PIK3C2G: variants seen among roughly 807,000 people sequenced by gnomAD.
PIK3C2G encodes phosphatidylinositol 3-kinase C2 domain-containing subunit gamma.
Under a neutral mutation model 181.1 loss-of-function variants are expected in PIK3C2G, and 168 were observed. The ratio of observed to expected loss-of-function variants is 0.93; its 90% CI spans 0.82 to 1.05. The LOEUF (loss-of-function observed/expected upper bound fraction) is 1.05, where lower values mean the gene tolerates loss of function less well. Ranked by LOEUF, PIK3C2G falls within the 50% of genes least tolerant of loss-of-function variation. PIK3C2G has a pLI of 0.00. For synonymous variants in PIK3C2G, 573 were observed against 592.2 expected (o/e 0.97, Z 0.47); for missense variants, 1,869 against 1,732.8 (o/e 1.08, Z -1.40).
At chr12:18,438,799 C>A (rs1356516758) in intron 18 of PIK3C2G, among the ~76,000 whole-genome samples, 1 of 151,714 alleles carries the variant, frequency 6.6e-6, no homozygotes, top group East Asian at 1.9e-4. Context: ...AGCTGGGTAG[C>A]CCTTGAAAAA....
At chr12:18,377,562 T>C (rs1191697097) in intron 13 of PIK3C2G, among the ~76,000 whole-genome samples, 2 of 152,136 alleles carry the variant, frequency 1.3e-5, no homozygotes, top group African/African-American at 4.8e-5. Flanking sequence ...CTCAAAGCTA[T>C]ATGTAAACTC....
intron 25 of PIK3C2G, among the ~76,000 whole-genome samples, chr12:18,541,950 G>A (rs1465837476): frequency 1.3e-5 from 2 of 151,890 alleles, no homozygotes; most frequent in Non-Finnish European, 2.9e-5. Flanking sequence ...CAGATACATG[G>A]TGGGGAGAGA....
upstream of PIK3C2G, among the ~76,000 whole-genome samples, chr12:18,260,066 G>T (rs1465416891): frequency 6.6e-6 from 1 of 152,060 alleles, no homozygotes; most frequent in Non-Finnish European, 1.5e-5. Context: ...ACCCTTTCTT[G>T]TTAATGAATA....
intron 3 of PIK3C2G, among the ~76,000 whole-genome samples, chr12:18,289,011 A>G (rs1186462006): frequency 6.6e-6 from 1 of 152,184 alleles, no homozygotes; most frequent in Non-Finnish European, 1.5e-5. Context: ...AGAAGCCATA[A>G]GTTATATTCA....
At chr12:18,267,554 T>A (rs1342417445) in intron 1 of PIK3C2G, among the ~76,000 whole-genome samples, 4 of 152,188 alleles carry the variant, frequency 2.6e-5, no homozygotes, top group African/African-American at 9.7e-5. Flanking sequence ...CGTTGATGAC[T>A]CATAAATAAT....
chr12:18,656,238 G>A, the PIK3C2G span, among the ~76,000 whole-genome samples: 12 of 151,982 alleles, frequency 7.9e-5, no homozygotes, highest in African/African-American at 2.9e-4. Context: ...AGACCAACCT[G>A]GGCAACATAG....
At chr12:18,362,921 T>A in intron 12 of PIK3C2G, 35 bp downstream of exon 12, 1 of 1,416,894 alleles carries the variant, frequency 7.1e-7, no homozygotes. Flanking sequence ...GGATCATTTA[T>A]GTAATAAATG....
intron 14 of PIK3C2G, among the ~76,000 whole-genome samples, chr12:18,389,180 G>A (rs1328863055): frequency 3.3e-5 from 5 of 151,920 alleles, no homozygotes; most frequent in Non-Finnish European, 5.9e-5. Flanking sequence ...GTGAAACCCC[G>A]TCTCTACTAA....
intron 31 of PIK3C2G, among the ~76,000 whole-genome samples, chr12:18,626,399 C>A (rs529828842): frequency 2.0e-5 from 3 of 151,798 alleles, no homozygotes; most frequent in East Asian, 1.9e-4. Context: ...AGCTATAGTT[C>A]TTATTAATAA....
At chr12:18,394,674 G>A (rs1943746489) in intron 15 of PIK3C2G, among the ~76,000 whole-genome samples, 1 of 151,808 alleles carries the variant, frequency 6.6e-6, no homozygotes, top group Admixed American at 6.6e-5. Flanking sequence ...ATCAGCAAAT[G>A]GGCTTAATAG....
At chr12:18,244,478 A>G (rs1299022622), upstream of PIK3C2G, among the ~76,000 whole-genome samples, 3 of 152,100 alleles carry the variant, frequency 2.0e-5, no homozygotes, top group African/African-American at 7.2e-5. Context: ...TACTTTTGGT[A>G]GAATTCTGAG....
chr12:18,551,889 G>C (rs1944751073), intron 26 of PIK3C2G, among the ~76,000 whole-genome samples: 1 of 152,080 alleles, frequency 6.6e-6, no homozygotes, highest in Non-Finnish European at 1.5e-5. Flanking sequence ...ATTCCAGAGA[G>C]AGGCAAACTC....
intron 24 of PIK3C2G, among the ~76,000 whole-genome samples, chr12:18,527,394 C>T (rs1457145694): frequency 6.6e-6 from 1 of 152,156 alleles, no homozygotes; most frequent in Non-Finnish European, 1.5e-5. Context: ...ATAATATGCA[C>T]ATTCAATGCC....
chr12:18,628,477 G>A (rs1455775799), intron 31 of PIK3C2G, among the ~76,000 whole-genome samples: 3 of 152,140 alleles, frequency 2.0e-5, no homozygotes, highest in African/African-American at 2.4e-5. Context: ...AAAGCCATTT[G>A]AAATGCTATA....
chr12:18,608,241 T>A (rs977556898), intron 30 of PIK3C2G, among the ~76,000 whole-genome samples: 2 of 152,056 alleles, frequency 1.3e-5, no homozygotes, highest in African/African-American at 4.8e-5. Context: ...CATGCTGCTA[T>A]AAAGACACAT....
intron 1 of PIK3C2G, among the ~76,000 whole-genome samples, chr12:18,262,035 T>C (rs2136999487): frequency 6.6e-6 from 1 of 152,280 alleles, no homozygotes; most frequent in Non-Finnish European, 1.5e-5. Context: ...GAAATTCTTG[T>C]TAAATGGAAG....
Position 18,609,539 on chromosome 12 carries a change from G to A in PIK3C2G, c.4092G>A (p.Glu1364=). ...GAAATTCTATTCTTTTATCAGGTGA[G>A]AAGTTTCCAGACAAGAAGCCTAAGG... ...VEESSPVYLG[E]KFPDKKPKVQ... The change falls in exon 31 of 33, where the codon GAG becomes GAA. Residue 1364 remains glutamate (E), a synonymous_variant. Coordinates refer to ENST00000538779, the MANE Select transcript of PIK3C2G (RefSeq NM_001288772.2). 1 of 1,568,820 alleles carries A rather than the reference G, an allele frequency of 6.4e-7. No homozygotes were observed. The highest frequency in any genetic ancestry group is 1.2e-5 in the South Asian group (1 of 85,770).
intron 26 of PIK3C2G, among the ~76,000 whole-genome samples, chr12:18,556,239 A>C (rs1945005549): frequency 6.6e-6 from 1 of 152,110 alleles, no homozygotes; most frequent in Non-Finnish European, 1.5e-5. Flanking sequence ...TAAATCAGGG[A>C]GCTATTACTT....
At chr12:18,555,867 A>G (rs1944982606) in intron 26 of PIK3C2G, among the ~76,000 whole-genome samples, 1 of 152,170 alleles carries the variant, frequency 6.6e-6, no homozygotes, top group Non-Finnish European at 1.5e-5. Context: ...AGAATTCTTC[A>G]GTTACTACTT....
Sources: allele counts gnomAD v4.1 joint callset (sites outside exome capture counted in the v4.1 genomes callset), GRCh38; gene constraint gnomAD v4.1.1; transcripts MANE v1.5; gene names NCBI Gene and HGNC (gene_info 2026-07-23, HGNC 2026-07-21).